SRSF12: variants seen among roughly 807,000 people sequenced by gnomAD.
SRSF12 encodes serine/arginine-rich splicing factor 12.
Under a neutral mutation model 34.1 loss-of-function variants are expected in SRSF12, and 21 were observed. The observed-to-expected ratio is 0.62, with a 90% CI of 0.44 to 0.89. SRSF12 has a LOEUF of 0.89. Ranked by LOEUF, SRSF12 falls within the 40% of genes least tolerant of loss-of-function variation. The probability of loss-of-function intolerance (pLI) is 0.00; values close to 1 mark genes in which losing one functional copy is unlikely to be tolerated. For synonymous variants in SRSF12, 111 were observed against 110.8 expected (o/e 1.00, Z -0.01); for missense variants, 278 against 327.8 (o/e 0.85, Z 1.17).
In SRSF12 at chr6:89,112,666, C is replaced by T. The variant is rs369527735; in HGVS notation, c.65+5157G>A. On this transcript the variant is annotated intron_variant, in intron 1 of 4. Coordinates refer to ENST00000452027, the MANE Select transcript of SRSF12 (RefSeq NM_080743.5). ...TCCTCAAGGGATCCTCCTGCCTTGG[C>T]CTCCCAAAGCACTGGGATTACAAGC... Among the ~76,000 whole-genome samples, 16 of 152,092 alleles carry T rather than the reference C, an allele frequency of 1.1e-4. 2 individuals carry two copies. Among genetic ancestry groups the T allele is most frequent in the Admixed American group, 3.9e-4 (6 of 15,274 alleles).
Position 89,098,784 on chromosome 6 carries a change from T to C in SRSF12, c.580A>G (p.Lys194Glu). 6.2e-7 allele frequency: 1 copy of C among 1,613,980 alleles called. No homozygotes were observed. The highest frequency in any genetic ancestry group is 8.5e-7 in the Non-Finnish European group (1 of 1,179,894). The change falls in exon 5 of 5, where the codon AAA becomes GAA. Residue 194 changes from lysine (K) to glutamate (E), a missense_variant. Coordinates refer to ENST00000452027, the MANE Select transcript of SRSF12 (RefSeq NM_080743.5). ...SLQKRSKSIGKSQSSSPQKQT... is the reference protein window; with the variant it reads ...SLQKRSKSIGESQSSSPQKQT... ...TTTTGAGGTGAACTTGACTGTGATT[T>C]TCCTATTGACTTGGACCTCTTTTGT...
chr6:89,111,435 A>T (rs757026091), intron 1 of SRSF12, among the ~76,000 whole-genome samples: 1 of 152,174 alleles, frequency 6.6e-6, no homozygotes, highest in African/African-American at 2.4e-5. Flanking sequence ...ACTGTTTTTT[A>T]AAATTGTCAT....
chr6:89,113,241 T>C (rs1226317464), intron 1 of SRSF12, among the ~76,000 whole-genome samples: 3 of 152,130 alleles, frequency 2.0e-5, no homozygotes, highest in South Asian at 2.1e-4. Context: ...GTGGCCGGTA[T>C]TGGCTCACTG....
At chr6:89,109,814 G>A (rs751718626) in intron 1 of SRSF12, among the ~76,000 whole-genome samples, 12 of 152,160 alleles carry the variant, frequency 7.9e-5, no homozygotes, top group Non-Finnish European at 5.9e-5. Flanking sequence ...TTTTCTGGCC[G>A]GGCGCGGTGG....
chr6:89,101,494 G>A (rs920228702), intron 4 of SRSF12, among the ~76,000 whole-genome samples: 9 of 152,082 alleles, frequency 5.9e-5, no homozygotes, highest in Non-Finnish European at 1.0e-4. Context: ...GGCTGAGGCA[G>A]GTGGATCACC....
chr6:89,104,076 A>T (rs1478047644), intron 4 of SRSF12, among the ~76,000 whole-genome samples: 1 of 133,638 alleles, frequency 7.5e-6, no homozygotes, highest in Non-Finnish European at 1.5e-5. Flanking sequence ...GCCTCAAGTG[A>T]TACTCCCACC....
rs1459141137 is a variant in SRSF12 at position 89,096,179 on chromosome 6, A to G, written c.*2399T>C. On this transcript the variant is annotated 3_prime_UTR_variant, in exon 5 of 5. Coordinates refer to ENST00000452027, the MANE Select transcript of SRSF12 (RefSeq NM_080743.5). ...TCTATTCTCTCATTTCTTTCTAAAC[A>G]TGATTTTAATAAAGCATATACCTGT... 1 of 152,160 alleles carries G rather than the reference A, an allele frequency of 6.6e-6. No individual in the cohort carries two copies. The highest frequency in any genetic ancestry group is 1.5e-5 in the Non-Finnish European group (1 of 68,030). The allele number at this position is 152,160 out of a possible 1,614,324, so 9.4% of individuals were successfully genotyped here.
chr6:89,102,965 A>G (rs1235286049), intron 4 of SRSF12, among the ~76,000 whole-genome samples: 2 of 152,012 alleles, frequency 1.3e-5, no homozygotes, highest in African/African-American at 4.8e-5. Flanking sequence ...GGGTCTCACT[A>G]TGTTGCCCAG....
At position 89,118,068 on chromosome 6, in the gene SRSF12, G is replaced by C. The variant is rs1166378408; in HGVS notation, c.-181C>G. On this transcript the variant is annotated 5_prime_UTR_variant, in exon 1 of 5. Coordinates refer to ENST00000452027, the MANE Select transcript of SRSF12 (RefSeq NM_080743.5). ...GCAGAGGGGGCGCAGCGCGGCGCCAGCCTGGACGCACGGGCCGGGGGCGGG... is the reference window on the plus strand; with the variant it reads ...GCAGAGGGGGCGCAGCGCGGCGCCACCCTGGACGCACGGGCCGGGGGCGGG... The C allele has an allele frequency of 3.8e-6, 1 of 262,640 alleles. No individual in the cohort carries two copies. The highest frequency in any genetic ancestry group is 6.1e-6 in the Non-Finnish European group (1 of 164,072). 16.3% of individuals were successfully genotyped at this position (262,640 alleles called of 1,614,324 possible).
chr6:89,103,994 T>TC, intron 4 of SRSF12, among the ~76,000 whole-genome samples: 1 of 17,652 alleles, frequency 5.7e-5, no homozygotes, highest in African/African-American at 1.4e-4. Flanking sequence ...TATATTTCTT[T>TC]TTTTTTTTTT....
Position 89,096,513 on chromosome 6 carries a change from T to C in SRSF12, c.*2065A>G, listed in dbSNP as rs1768291536. On this transcript the variant is annotated 3_prime_UTR_variant, in exon 5 of 5. Coordinates refer to ENST00000452027, the MANE Select transcript of SRSF12 (RefSeq NM_080743.5). ...CCAGCTTTTTCATCAAACCAAATGG[T>C]ATCCTCCTAAGCAGCCCAGGGATTA... is the stretch of plus-strand genomic sequence containing the variant. 6.6e-6 allele frequency: 1 copy of C among 152,184 alleles called. No individual in the cohort carries two copies. The allele number at this position is 152,184 out of a possible 1,614,324, so 9.4% of individuals were successfully genotyped here.
chr6:89,102,805 G>A (rs1441534718), intron 4 of SRSF12, among the ~76,000 whole-genome samples: 1 of 152,150 alleles, frequency 6.6e-6, no homozygotes, highest in African/African-American at 2.4e-5. Flanking sequence ...AGGTTGGAGT[G>A]CAGTGGTGCA....
rs192903351 is a variant in SRSF12 at position 89,098,816 on chromosome 6, T to C, written c.548A>G (p.Lys183Arg). Residue 183 changes from lysine (K) to arginine (R), a missense_variant, in exon 5 of 5, where the codon AAG (lysine) becomes AGG (arginine). By Grantham distance (26) the Lys-to-Arg change is conservative. Transcript: ENST00000452027. ...NFGSRGRSRS[K>R]SLQKRSKSIG... ...TGACTTGGACCTCTTTTGTAAGGAC[T>C]TGGACCTTGACCGTCCTCTAGAGCC... is the stretch of plus-strand genomic sequence containing the variant. 22 of 1,613,990 alleles carry C rather than the reference T, an allele frequency of 1.4e-5. No homozygotes were observed. The highest frequency in any genetic ancestry group is 2.2e-5 in the East Asian group (1 of 44,878).
intron 4 of SRSF12, among the ~76,000 whole-genome samples, chr6:89,100,862 T>TG (rs1033703459): frequency 2.6e-5 from 4 of 152,144 alleles, no homozygotes; most frequent in African/African-American, 9.6e-5. Flanking sequence ...AATCCCACTT[T>TG]GGGAGGCCAA....
rs1329116231 is a variant in SRSF12 at position 89,107,272 on chromosome 6, G to T, written c.66-14C>A. 6.3e-7 allele frequency: 1 copy of T among 1,598,076 alleles called. No homozygotes were observed. Among genetic ancestry groups the T allele is most frequent in the South Asian group, 1.1e-5 (1 of 89,100 alleles). On this transcript the variant is annotated splice_polypyrimidine_tract_variant and intron_variant, in intron 1 of 4. Coordinates refer to ENST00000452027, the MANE Select transcript of SRSF12 (RefSeq NM_080743.5). ...AAGTCCTCAGGCCTGAAGTGTTTTAGAAATAAGGCAAAGAAATATGAATAG... is the reference window on the plus strand; with the variant it reads ...AAGTCCTCAGGCCTGAAGTGTTTTATAAATAAGGCAAAGAAATATGAATAG...
At chr6:89,105,345 A>T (rs1768735761) in intron 3 of SRSF12, 82 bp downstream of exon 3, 1 of 1,559,630 alleles carries the variant, frequency 6.4e-7, no homozygotes, top group Admixed American at 1.9e-5. Context: ...TCATTTACTG[A>T]AAGAATTTTA....
At chr6:89,099,515 TACACACAC>T (rs59572395) in intron 4 of SRSF12, among the ~76,000 whole-genome samples, 1 of 133,140 alleles carries the variant, frequency 7.5e-6, no homozygotes, top group Non-Finnish European at 1.5e-5. Context: ...TATATATATA[TACACACAC>T]ACACACACAT....
rs1230068768 is a variant in SRSF12 at position 89,117,934 on chromosome 6, C to G, written c.-47G>C. 1 of 1,528,670 alleles carries G rather than the reference C, an allele frequency of 6.5e-7. No individual in the cohort carries two copies. The highest frequency in any genetic ancestry group is 8.8e-7 in the Non-Finnish European group (1 of 1,138,846). 94.7% of individuals were successfully genotyped at this position (1,528,670 alleles called of 1,614,324 possible). On this transcript the variant is annotated 5_prime_UTR_variant, in exon 1 of 5. Coordinates refer to ENST00000452027, the MANE Select transcript of SRSF12 (RefSeq NM_080743.5). The stretch of plus-strand genomic sequence containing the variant: ...CGGGTCTGCCCGCGGCCGCTGGACT[C>G]GCTCCGTCTCCCGCTACCGCTGCTA...
At chr6:89,105,609 AAATT>A in intron 2 of SRSF12, 79 bp from the exon 3 acceptor site, 2 of 1,023,542 alleles carry the variant, frequency 2.0e-6, no homozygotes, top group East Asian at 2.7e-5. Flanking sequence ...ATGTGAAATG[AAATT>A]AATAGGAAAA....
Sources: gnomAD v4.1 joint callset for allele counts (sites outside exome capture counted in the v4.1 genomes callset) on GRCh38, gnomAD v4.1.1 for gene constraint, MANE v1.5 for transcripts, NCBI Gene and HGNC (gene_info 2026-07-23, HGNC 2026-07-21) for gene names.